SOS2: variants seen among roughly 807,000 people sequenced by gnomAD.
SOS2 encodes son of sevenless homolog 2.
In SOS2, 65 loss-of-function variants were observed where a neutral mutation model predicts 148.2. That is an observed-to-expected ratio of 0.44 (90% confidence interval 0.36 to 0.54). The LOEUF is 0.54. SOS2 is among the 20% of genes least tolerant of loss of function. The pLI, the probability that SOS2 is intolerant of heterozygous loss-of-function variation, is 0.00. For synonymous variants in SOS2, 539 were observed against 537.1 expected, an observed-to-expected ratio of 1.00 and a Z score of -0.05; for missense variants, 1,341 against 1,590.2, an observed-to-expected ratio of 0.84 and a Z score of 2.67.
In SOS2 at chr14:50,179,925, T is replaced by C. The variant is rs191308248; in HGVS notation, c.969+647A>G. On this transcript the variant is annotated intron_variant, in intron 7 of 22. Coordinates refer to ENST00000216373, the MANE Select transcript of SOS2 (RefSeq NM_006939.4). ...AGGAGGTTGAGGTTATCTCAACTTT[T>C]TAAGATTTCTCCAAATCTTCCTCCT... Among the ~76,000 whole-genome samples, 460 of 152,276 alleles carry C rather than the reference T, an allele frequency of 3.0e-3. 2 individuals are homozygous for C. The highest frequency in any genetic ancestry group is 0.01 in the African/African-American group (424 of 41,564).
intron 1 of SOS2, among the ~76,000 whole-genome samples, chr14:50,218,417 G>A (rs1887101016): frequency 6.6e-6 from 1 of 151,906 alleles, no homozygotes; most frequent in Admixed American, 6.6e-5. Flanking sequence ...CAGCTACTTG[G>A]GAGGCTGAGG....
intron 8 of SOS2, among the ~76,000 whole-genome samples, chr14:50,169,521 T>C (rs1885290174): frequency 6.6e-6 from 1 of 151,600 alleles, no homozygotes; most frequent in Non-Finnish European, 1.5e-5. Flanking sequence ...TCACCTGTAA[T>C]CTCAGCTACT....
intron 1 of SOS2, among the ~76,000 whole-genome samples, chr14:50,229,259 C>T (rs2355884): frequency 0.28 from 42,468 of 151,920 alleles, 6,811 homozygotes; most frequent in East Asian, 0.48. Context: ...ATTTTCCATA[C>T]GTATGTATTT....
chr14:50,210,725 G>A (rs1414151293), intron 1 of SOS2, among the ~76,000 whole-genome samples: 1 of 151,574 alleles, frequency 6.6e-6, no homozygotes, highest in East Asian at 1.9e-4. Context: ...GAAAAAATGG[G>A]CAAAAAACCC....
At chr14:50,182,276 G>C (rs1885768508) in intron 6 of SOS2, among the ~76,000 whole-genome samples, 187 bp downstream of exon 6, 1 of 139,708 alleles carries the variant, frequency 7.2e-6, no homozygotes, top group Non-Finnish European at 1.5e-5. Context: ...TCATGGGCTT[G>C]ATCTCCCAGG....
chr14:50,168,463 CCT>C (rs1885238099), intron 8 of SOS2, among the ~76,000 whole-genome samples: 1 of 152,184 alleles, frequency 6.6e-6, no homozygotes, highest in Admixed American at 6.6e-5. Flanking sequence ...TTCACGCCAT[CCT>C]TTCACCTCAG....
chr14:50,146,632 G>A (rs1342950944), intron 14 of SOS2, among the ~76,000 whole-genome samples: 1 of 152,134 alleles, frequency 6.6e-6, no homozygotes, highest in Non-Finnish European at 1.5e-5. Context: ...GGGCAACAGA[G>A]TGAGACTCTG....
Position 50,184,242 on chromosome 14 carries a change from T to A in SOS2, c.715-1636A>T, listed in dbSNP as rs946903164. On this transcript the variant is annotated intron_variant, in intron 5 of 22. Transcript: ENST00000216373. ...CACAAACACATCATATGACTGACCA[T>A]CCCGGTTATGGCCAACTATTATTCA... Among the ~76,000 whole-genome samples the A allele has an allele frequency of 2.0e-5, 3 of 152,092 alleles. No homozygotes were observed. The South Asian group carries it at 6.2e-4, about 32-fold the overall frequency.
At chr14:50,144,356 G>A (rs1459981653) in intron 16 of SOS2, among the ~76,000 whole-genome samples, 1 of 151,762 alleles carries the variant, frequency 6.6e-6, no homozygotes, top group Non-Finnish European at 1.5e-5. Flanking sequence ...AAATATATAT[G>A]CAAAATATCT....
At chr14:50,196,383 TC>T (rs1352767390) in intron 4 of SOS2, among the ~76,000 whole-genome samples, 1 of 152,188 alleles carries the variant, frequency 6.6e-6, no homozygotes, top group Non-Finnish European at 1.5e-5. Flanking sequence ...AAATGGAGTC[TC>T]CATCACCTCA....
In SOS2 at chr14:50,199,858, G is replaced by A. The variant is rs758131262; in HGVS notation, c.346-3C>T. The A allele has an allele frequency of 1.3e-5, 20 of 1,543,480 alleles. No homozygotes were observed. The highest frequency in any genetic ancestry group is 1.8e-5 in the Non-Finnish European group (20 of 1,135,268). On this transcript the variant is annotated splice_polypyrimidine_tract_variant and splice_region_variant and intron_variant, in intron 3 of 22. Transcript: ENST00000216373. ...TCCACTTTGTACCCTAATACTTCCT[G>A]TGAAAAGAATAAATAATTTAATTGC... is the stretch of plus-strand genomic sequence containing the variant.
At chr14:50,219,125 A>G (rs1054190039) in intron 1 of SOS2, among the ~76,000 whole-genome samples, 3 of 152,000 alleles carry the variant, frequency 2.0e-5, no homozygotes, top group Non-Finnish European at 4.4e-5. Context: ...AAAAAAAAAA[A>G]GTTAAGCATC....
At chr14:50,208,693 T>C (rs934773402) in intron 1 of SOS2, among the ~76,000 whole-genome samples, 3 of 152,208 alleles carry the variant, frequency 2.0e-5, no homozygotes, top group African/African-American at 2.4e-5. Flanking sequence ...AAAATCATAG[T>C]TAATAGTAAG....
chr14:50,175,682 G>C (rs1397045511), intron 7 of SOS2, among the ~76,000 whole-genome samples: 4 of 151,860 alleles, frequency 2.6e-5, no homozygotes, highest in Admixed American at 6.6e-5. Flanking sequence ...AACTACTGTA[G>C]AATAAATGGT....
Position 50,118,191 on chromosome 14 carries a change from T to G in SOS2, c.*153A>C. On this transcript the variant is annotated 3_prime_UTR_variant, in exon 23 of 23. Transcript: ENST00000216373. ...ATGGTGAAGGACTTTTGTATTTTTA[T>G]TTTTCCAATTCTTAAAAGCTTATTT... 1.5e-6 allele frequency: 1 copy of G among 679,812 alleles called. No individual in the cohort carries two copies. Among genetic ancestry groups the G allele is most frequent in the Non-Finnish European group, 2.4e-6 (1 of 413,360 alleles). The allele number at this position is 679,812 out of a possible 1,614,324, so 42.1% of individuals were successfully genotyped here.
chr14:50,140,979 C>T (rs779854355), intron 16 of SOS2, among the ~76,000 whole-genome samples: 6 of 147,164 alleles, frequency 4.1e-5, no homozygotes, highest in Non-Finnish European at 6.0e-5. Context: ...CTGAGGCGGG[C>T]GGATCATGAG....
chr14:50,189,343 A>AAAAAAAAAAAAAAAAAAAAAAC (rs1566472537), intron 4 of SOS2, among the ~76,000 whole-genome samples: 1 of 146,842 alleles, frequency 6.8e-6, no homozygotes, highest in African/African-American at 2.5e-5. Context: ...AAAAAAAAAA[A>AAAAAAAAAAAAAAAAAAAAAAC]AAAAAGCAAG....
At position 50,130,630 on chromosome 14, in the gene SOS2, G is replaced by A. The variant is rs760192938; in HGVS notation, c.3208C>T (p.Arg1070Trp). 4 of 1,614,022 alleles carry A rather than the reference G, an allele frequency of 2.5e-6. No homozygotes were observed. The South Asian group carries it at 3.3e-5, about 13-fold the overall frequency. The change falls in exon 20 of 23, where the codon CGG becomes TGG. Residue 1070 changes from arginine (R) to tryptophan (W), a missense_variant. Arg to Trp is a moderately radical substitution (Grantham distance 101). Around this residue, in one of 4 missense-constraint regions of SOS2, gnomAD observed 354 missense variants for 347.7 expected, o/e 1.02. Transcript: ENST00000216373. ...GATTCCAGCTCAGTTTCAGCAATCCGACTAAAGCTTATTTTACATGGTTCT... is the reference window on the plus strand; with the variant it reads ...GATTCCAGCTCAGTTTCAGCAATCCAACTAAAGCTTATTTTACATGGTTCT... ...EREPCKISFS[R>W]IAETELESTV...
chr14:50,132,862 A>G (rs563108946), intron 19 of SOS2, among the ~76,000 whole-genome samples: 2 of 152,178 alleles, frequency 1.3e-5, no homozygotes, highest in Non-Finnish European at 2.9e-5. Context: ...CCACCACAAC[A>G]ATGCTCCTGC....
Sources: allele counts gnomAD v4.1 joint callset (sites outside exome capture counted in the v4.1 genomes callset), GRCh38; gene constraint gnomAD v4.1.1; regional missense constraint gnomAD v4.1.1; transcripts MANE v1.5; gene names NCBI Gene and HGNC (gene_info 2026-07-23, HGNC 2026-07-21).